Variants in KRABD4 observed in about 807,000 individuals in gnomAD.
KRABD4 encodes KRAB domain-containing protein 4.
At chrX:46,452,002 G>A in the KRABD4 span, among the ~76,000 whole-genome samples, 10 of 111,951 alleles carry the variant, frequency 8.9e-5, no homozygotes, top group East Asian at 1.4e-3. Context: ...CTGAAGTGCC[G>A]TGGCACAATT....
chrX:46,455,221 G>T, the KRABD4 span: 2 of 1,095,393 alleles, frequency 1.8e-6, no homozygotes, highest in Non-Finnish European at 2.5e-6. Flanking sequence ...TCCCAGCACA[G>T]ATTTTAATTC....
chrX:46,449,976 C>T, the KRABD4 span, among the ~76,000 whole-genome samples: 1 of 110,955 alleles, frequency 9.0e-6, no homozygotes, highest in Non-Finnish European at 1.9e-5. Flanking sequence ...AGGCTGGTCT[C>T]GAACTCCTGG....
the KRABD4 span, among the ~76,000 whole-genome samples, chrX:46,464,854 A>G: frequency 8.9e-6 from 1 of 112,094 alleles, no homozygotes; most frequent in African/African-American, 3.2e-5. Context: ...AGACATTTAT[A>G]TATTCAGTCT....
chrX:46,471,841 A>C, the KRABD4 span, among the ~76,000 whole-genome samples: 1 of 112,219 alleles, frequency 8.9e-6, no homozygotes, highest in Non-Finnish European at 1.9e-5. Flanking sequence ...TCCATTGTGG[A>C]TCACTTTGTT....
chrX:46,459,151 A>G, the KRABD4 span, among the ~76,000 whole-genome samples: 1 of 109,863 alleles, frequency 9.1e-6, no homozygotes, highest in South Asian at 3.9e-4. Context: ...TGTCTCTACT[A>G]AAAATACAAA....
At chrX:46,452,092 A>T in the KRABD4 span, among the ~76,000 whole-genome samples, 2 of 111,787 alleles carry the variant, frequency 1.8e-5, no homozygotes, top group African/African-American at 6.5e-5. Flanking sequence ...CTACAGGCAC[A>T]TGCCACCATG....
At chrX:46,451,988 C>T in the KRABD4 span, among the ~76,000 whole-genome samples, 2 of 112,299 alleles carry the variant, frequency 1.8e-5, no homozygotes, top group African/African-American at 6.5e-5. Context: ...CTCTATCCCC[C>T]AGGCTGAAGT....
At chrX:46,466,488 TGTG>T in the KRABD4 span, among the ~76,000 whole-genome samples, 2 of 112,066 alleles carry the variant, frequency 1.8e-5, no homozygotes, top group East Asian at 2.8e-4. Context: ...TTTATTTTCT[TGTG>T]GTGCATTTCA....
At chrX:46,461,974 C>T in the KRABD4 span, among the ~76,000 whole-genome samples, 2 of 110,954 alleles carry the variant, frequency 1.8e-5, no homozygotes, top group East Asian at 5.7e-4. Flanking sequence ...CACTTTTCTC[C>T]CTCCACTAAA....
the KRABD4 span, among the ~76,000 whole-genome samples, chrX:46,469,288 T>C: frequency 8.9e-6 from 1 of 112,570 alleles, no homozygotes; most frequent in Non-Finnish European, 1.9e-5. Context: ...GGATAATTGA[T>C]GTGCAATATT....
At chrX:46,469,248 C>T in the KRABD4 span, among the ~76,000 whole-genome samples, 1 of 112,205 alleles carries the variant, frequency 8.9e-6, no homozygotes, top group African/African-American at 3.2e-5. Context: ...AAAAAGCCTG[C>T]AGGGGATTTT....
the KRABD4 span, among the ~76,000 whole-genome samples, chrX:46,452,112 T>G: frequency 2.7e-5 from 3 of 111,252 alleles, no homozygotes; most frequent in Non-Finnish European, 5.7e-5. Context: ...GCCCAGCCAA[T>G]TTTTGTATTT....
At chrX:46,471,502 C>T in the KRABD4 span, among the ~76,000 whole-genome samples, 3 of 106,533 alleles carry the variant, frequency 2.8e-5, no homozygotes, top group African/African-American at 1.0e-4. Flanking sequence ...ACTAAAGTCA[C>T]ATCTTACATT....
At chrX:46,463,305 C>A in the KRABD4 span, 1 of 1,209,154 alleles carries the variant, frequency 8.3e-7, no homozygotes, top group Non-Finnish European at 1.1e-6. Context: ...TGAGGACAGG[C>A]CAGGTGAGTC....
the KRABD4 span, among the ~76,000 whole-genome samples, chrX:46,450,057 G>A: frequency 5.4e-5 from 6 of 111,602 alleles, no homozygotes; most frequent in African/African-American, 1.6e-4. Context: ...GCACCCGGCC[G>A]CTTCCACATA....
chrX:46,467,102 T>A, the KRABD4 span, among the ~76,000 whole-genome samples: 1 of 112,532 alleles, frequency 8.9e-6, no homozygotes, highest in African/African-American at 3.2e-5. Flanking sequence ...GACCAGTTAA[T>A]GCACATTTGA....
chrX:46,457,226 C>T, the KRABD4 span: 1 of 211,796 alleles, frequency 4.7e-6, no homozygotes, highest in Non-Finnish European at 8.9e-6. Flanking sequence ...CCCACTTCAG[C>T]ACGATGGGAA....
At chrX:46,463,928 T>C in the KRABD4 span, among the ~76,000 whole-genome samples, 79 of 110,598 alleles carry the variant, frequency 7.1e-4, 1 homozygote, top group African/African-American at 2.4e-3. Flanking sequence ...CATTTTCTGT[T>C]TTCTCTACTT....
the KRABD4 span, among the ~76,000 whole-genome samples, chrX:46,466,366 C>T: frequency 9.0e-6 from 1 of 111,642 alleles, no homozygotes; most frequent in Admixed American, 9.5e-5. Context: ...AGGTTGAACA[C>T]CCATATAATA....
Sources: allele counts gnomAD v4.1 joint callset (sites outside exome capture counted in the v4.1 genomes callset), GRCh38; gene constraint gnomAD v4.1.1; transcripts MANE v1.5; gene names NCBI Gene and HGNC (gene_info 2026-07-23, HGNC 2026-07-21).